Variants in UBOX5 observed in about 807,000 individuals in gnomAD.
UBOX5 encodes U-box domain containing 5, also known as RING finger protein 37.
Under a neutral mutation model 39.0 loss-of-function variants are expected in UBOX5, and 28 were observed. That is an observed-to-expected ratio of 0.72 (90% confidence interval 0.53 to 0.98). UBOX5 has a LOEUF of 0.98. Among genes scored for constraint, UBOX5 ranks in the 50% least tolerant of loss-of-function variants. The probability of loss-of-function intolerance (pLI) is 0.00; values close to 1 mark genes in which losing one functional copy is unlikely to be tolerated. For missense variants in UBOX5, 585 were observed against 674.4 expected (o/e 0.87, Z 1.47); for synonymous variants, 283 against 275.5 (o/e 1.03, Z -0.27).
At chr20:3,115,223 C>G (rs2066283979) in intron 4 of UBOX5, 82 bp downstream of exon 4, 13 of 1,490,124 alleles carry the variant, frequency 8.7e-6, no homozygotes, top group Non-Finnish European at 1.2e-5. Flanking sequence ...CACAGAGCCC[C>G]CAGGGACTCG....
In UBOX5 at chr20:3,144,294, A is replaced by T. The variant is rs77935041; in HGVS notation, c.-42+15472T>A. Among the ~76,000 whole-genome samples, 4 of 152,356 alleles carry T rather than the reference A, an allele frequency of 2.6e-5. No homozygotes were observed. The East Asian group carries it at 5.8e-4, about 22-fold the overall frequency. Reference sequence around the variant, plus strand: ...TTATGTGGTATTGGCATAAGAATAGATGAATGGAATAGAAATGAAAATCCA... The same window carrying T: ...TTATGTGGTATTGGCATAAGAATAGTTGAATGGAATAGAAATGAAAATCCA... On this transcript the variant is annotated intron_variant, in intron 1 of 4. Transcript: ENST00000217173.
intron 1 of UBOX5, among the ~76,000 whole-genome samples, chr20:3,142,358 T>C (rs976605144): frequency 6.6e-6 from 1 of 151,834 alleles, no homozygotes; most frequent in East Asian, 1.9e-4. Flanking sequence ...CTCAGCACTT[T>C]GGGATGCCAA....
Position 3,126,360 on chromosome 20 carries a change from A to G in UBOX5, c.-41-2954T>C, listed in dbSNP as rs2066388119. Among the ~76,000 whole-genome samples, 4 of 152,272 alleles carry G rather than the reference A, an allele frequency of 2.6e-5. No homozygotes were observed. In the South Asian group the frequency reaches 8.3e-4, roughly 32 times the overall value. ...TCCCTAATCTCAAGTACCCAGGGACACAAACACTGCGGAAGGCCGCAGGGA... is the reference window on the plus strand; with the variant it reads ...TCCCTAATCTCAAGTACCCAGGGACGCAAACACTGCGGAAGGCCGCAGGGA... On this transcript the variant is annotated intron_variant, in intron 1 of 4. Transcript: ENST00000217173.
intron 3 of UBOX5, among the ~76,000 whole-genome samples, chr20:3,118,864 G>A (rs1449040345): frequency 6.6e-6 from 1 of 151,292 alleles, no homozygotes; most frequent in African/African-American, 2.4e-5. Context: ...GCTTGAACCC[G>A]GGAGGCAGAG....
In UBOX5 at chr20:3,140,049, T is replaced by TCTCA. The variant is rs763445844; in HGVS notation, c.-41-16647_-41-16644dup. Among the ~76,000 whole-genome samples the TCTCA allele has an allele frequency of 4.8e-4, 63 of 131,140 alleles. 1 individual carries two copies. Among genetic ancestry groups the TCTCA allele is most frequent in the Admixed American group, 6.1e-4 (7 of 11,424 alleles). The allele number at this position is 131,140 out of a possible 152,430, so 86.0% of individuals were successfully genotyped here. A position where few individuals can be genotyped will look rare whatever the true frequency, so the allele number is the denominator to read the frequency against. On this transcript the variant is annotated intron_variant, in intron 1 of 4. Coordinates refer to ENST00000217173, the MANE Select transcript of UBOX5 (RefSeq NM_014948.4). ...TTTTTTTTTTTTTTTTGAGATGGAG[T>TCTCA]CTCACTCTGTCACCCAGGCTGGAGT...
rs184159290 is a variant in UBOX5, at chr20:3,122,707, A to G, written c.55-123T>C. 1.3e-4 allele frequency: 166 copies of G among 1,328,000 alleles called. 1 individual carries two copies. The East Asian group carries it at 1.8e-3, about 15-fold the overall frequency. The allele number at this position is 1,328,000 out of a possible 1,614,324, so 82.3% of individuals were successfully genotyped here. A position where few individuals can be genotyped will look rare whatever the true frequency, so the allele number is the denominator to read the frequency against. ...TTCCTCTATTAAACTGAATTGTCCC[A>G]GATCAGGGCACCCAAGATCAGATCA... On this transcript the variant is annotated intron_variant, in intron 2 of 4. Coordinates refer to ENST00000217173, the MANE Select transcript of UBOX5 (RefSeq NM_014948.4).
At chr20:3,141,633 C>CTCAAAA (rs2148613529) in intron 1 of UBOX5, among the ~76,000 whole-genome samples, 1 of 149,882 alleles carries the variant, frequency 6.7e-6, no homozygotes, top group South Asian at 2.1e-4. Context: ...GCAACAAGAG[C>CTCAAAA]GAAACTCCGT....
At position 3,144,589 on chromosome 20, in the gene UBOX5, C is replaced by G. The variant is rs921581211; in HGVS notation, c.-42+15177G>C. Among the ~76,000 whole-genome samples, 3 of 152,048 alleles carry G rather than the reference C, an allele frequency of 2.0e-5. No homozygotes were observed. The East Asian group carries it at 5.8e-4, about 29-fold the overall frequency. On this transcript the variant is annotated intron_variant, in intron 1 of 4. Transcript: ENST00000217173. ...GGCAATGGTTTCTTAAATATGATAC[C>G]AAAAGCACAAGCAACTAAAGAAAAA...
intron 1 of UBOX5, chr20:3,146,877 C>A (rs2066568716): frequency 1.9e-6 from 3 of 1,614,200 alleles, no homozygotes; most frequent in Non-Finnish European, 1.7e-6. Flanking sequence ...AACTCTACCA[C>A]ACGGTAGCCA....
At chr20:3,138,804 A>G (rs745398311) in intron 1 of UBOX5, among the ~76,000 whole-genome samples, 7 of 152,156 alleles carry the variant, frequency 4.6e-5, no homozygotes, top group Non-Finnish European at 8.8e-5. Flanking sequence ...GATAATTTAG[A>G]AGAGAATAAG....
chr20:3,112,825 G>A (rs2066263537), intron 4 of UBOX5, among the ~76,000 whole-genome samples: 1 of 151,836 alleles, frequency 6.6e-6, no homozygotes, highest in East Asian at 1.9e-4. Context: ...AATTAGCCGG[G>A]CGTGGTGGCG....
At chr20:3,123,180 T>C in intron 2 of UBOX5, 132 bp downstream of exon 2, 2 of 897,712 alleles carry the variant, frequency 2.2e-6, no homozygotes, top group Non-Finnish European at 3.5e-6. Context: ...CTAAATACCA[T>C]CTGATGGAAT....
chr20:3,118,319 A>T (rs1345236916), intron 3 of UBOX5, among the ~76,000 whole-genome samples: 1 of 152,134 alleles, frequency 6.6e-6, no homozygotes, highest in Non-Finnish European at 1.5e-5. Flanking sequence ...CTAAAAATAC[A>T]AAAATTAGCT....
chr20:3,135,520 C>A (rs1405709456), intron 1 of UBOX5, among the ~76,000 whole-genome samples: 3 of 152,134 alleles, frequency 2.0e-5, no homozygotes, highest in South Asian at 4.2e-4. Context: ...AACGTCATGC[C>A]AAAAAGTTTA....
At chr20:3,159,423 C>T (rs547967056) in intron 1 of UBOX5, among the ~76,000 whole-genome samples, 2 of 152,208 alleles carry the variant, frequency 1.3e-5, no homozygotes, top group South Asian at 4.1e-4. Context: ...GCAGGCACAT[C>T]AAAGTGTGAT....
intron 1 of UBOX5, among the ~76,000 whole-genome samples, chr20:3,134,200 A>G (rs2066451886): frequency 6.6e-6 from 1 of 152,096 alleles, no homozygotes; most frequent in African/African-American, 2.4e-5. Context: ...TTGCTTTTCC[A>G]TTAAGCATTA....
chr20:3,157,077 A>G (rs1019619379), intron 1 of UBOX5, among the ~76,000 whole-genome samples: 1 of 150,322 alleles, frequency 6.7e-6, no homozygotes, highest in African/African-American at 2.5e-5. Context: ...TCTGGGCTAC[A>G]TGGCGAGACC....
At chr20:3,145,086 GAATTTT>G (rs950330054) in intron 1 of UBOX5, among the ~76,000 whole-genome samples, 5 of 151,706 alleles carry the variant, frequency 3.3e-5, no homozygotes, top group Non-Finnish European at 4.4e-5. Flanking sequence ...ACAAGAATAA[GAATTTT>G]AATTTTAGAG....
Position 3,132,943 on chromosome 20 carries a change from G to A in UBOX5, c.-41-9537C>T, listed in dbSNP as rs62206129. 2.0e-3 allele frequency among the ~76,000 whole-genome samples: 308 copies of A among 150,774 alleles called. 2 individuals carry two copies. Among genetic ancestry groups the A allele is most frequent in the African/African-American group, 7.0e-3 (287 of 40,816 alleles). ...TCAAGGCTAGCCTGGGCAACATAGCGAGACCCAGTCTCTACAAAAAAAAAA... is the reference window on the plus strand; with the variant it reads ...TCAAGGCTAGCCTGGGCAACATAGCAAGACCCAGTCTCTACAAAAAAAAAA... On this transcript the variant is annotated intron_variant, in intron 1 of 4. Coordinates refer to ENST00000217173, the MANE Select transcript of UBOX5 (RefSeq NM_014948.4).
Sources: gnomAD v4.1 joint callset for allele counts (sites outside exome capture counted in the v4.1 genomes callset) on GRCh38, gnomAD v4.1.1 for gene constraint, MANE v1.5 for transcripts, NCBI Gene and HGNC (gene_info 2026-07-23, HGNC 2026-07-21) for gene names.